The following LDOC1 variants were observed in gnomAD, a reference collection of about 807,000 sequenced individuals.
The protein encoded by LDOC1 is LDOC1 regulator of NFKB signaling.
LDOC1 carries 1 observed loss-of-function variant against 4.9 expected under a neutral mutation model. That is an observed-to-expected ratio of 0.20 (90% CI 0.07 to 0.96). The LOEUF is 0.96. LDOC1 is among the 40% of genes least tolerant of loss of function. The pLI, the probability that LDOC1 is intolerant of heterozygous loss-of-function variation, is 0.62. For synonymous variants in LDOC1, 55 were observed against 58.3 expected, an observed-to-expected ratio of 0.94 and a Z score of 0.26; for missense variants, 76 against 128.1, an observed-to-expected ratio of 0.59 and a Z score of 1.96.
In LDOC1 at chrX:141,175,681, T is replaced by G. The variant is rs782639870; in HGVS notation, c.*900A>C. On this transcript the variant is annotated 3_prime_UTR_variant, in exon 1 of 1. Transcript: ENST00000370526. ...TTGTATTCCCTGATTTCCACGGGAA[T>G]AATGGTAGTCAGAGTGACAGTGGTA... The G allele has an allele frequency of 1.8e-5, 2 of 112,195 alleles. No individual in the cohort carries two copies. The highest frequency in any genetic ancestry group is 7.4e-4 in the South Asian group (2 of 2,708). The allele number at this position is 112,195 out of a possible 1,213,427, so 9.2% of individuals were successfully genotyped here.
chrX:141,175,205 A>G lies in LDOC1; in HGVS notation c.*1376T>C, dbSNP rs781966986. ...ACGAAATGTTTGTTAAGATCAGGCT[A>G]TATCTTTATGGGTGCACTTGCCCAG... is the stretch of plus-strand genomic sequence containing the variant. On this transcript the variant is annotated 3_prime_UTR_variant, in exon 1 of 1. Coordinates refer to ENST00000370526, the MANE Select transcript of LDOC1 (RefSeq NM_012317.4). 8.9e-6 allele frequency among the ~76,000 whole-genome samples: 1 copy of G among 112,271 alleles called. No individual in the cohort carries two copies. Among genetic ancestry groups the G allele is most frequent in the Non-Finnish European group, 1.9e-5 (1 of 53,277 alleles).
At position 141,176,576 on chromosome X, in the gene LDOC1, A is replaced by C; in HGVS notation, c.*5T>G. 1.7e-6 allele frequency: 2 copies of C among 1,201,378 alleles called. No homozygotes were observed. Among genetic ancestry groups the C allele is most frequent in the Non-Finnish European group, 2.3e-6 (2 of 888,572 alleles). ...CCTCCCCCCCGAGGCCCGAGGGTCGAGGGCCTAATAATCATCCTCCTCTTC... is the reference window on the plus strand; with the variant it reads ...CCTCCCCCCCGAGGCCCGAGGGTCGCGGGCCTAATAATCATCCTCCTCTTC... On this transcript the variant is annotated 3_prime_UTR_variant, in exon 1 of 1. Transcript: ENST00000370526.
chrX:141,175,676 G>A lies in LDOC1; in HGVS notation c.*905C>T, dbSNP rs2013607688. On this transcript the variant is annotated 3_prime_UTR_variant, in exon 1 of 1. Coordinates refer to ENST00000370526, the MANE Select transcript of LDOC1 (RefSeq NM_012317.4). ...ATTGGTTGTATTCCCTGATTTCCAC[G>A]GGAATAATGGTAGTCAGAGTGACAG... 8.9e-6 allele frequency: 1 copy of A among 111,952 alleles called. No homozygotes were observed. The highest frequency in any genetic ancestry group is 3.3e-5 in the African/African-American group (1 of 30,726). The allele number at this position is 111,952 out of a possible 1,213,427, so 9.2% of individuals were successfully genotyped here.
chrX:141,173,625 A>G lies in LDOC1; in HGVS notation c.*2956T>C, dbSNP rs2013590842. The G allele has an allele frequency of 8.9e-6, 1 of 112,028 alleles. No homozygotes were observed. Among genetic ancestry groups the G allele is most frequent in the South Asian group, 3.7e-4 (1 of 2,677 alleles). The allele number at this position is 112,028 out of a possible 1,213,427, so 9.2% of individuals were successfully genotyped here. Reference sequence around the variant, plus strand: ...GTAAGAAGGACATCACTTAACACACACACACACAGAGCACACACATACTGG... The same window carrying G: ...GTAAGAAGGACATCACTTAACACACGCACACACAGAGCACACACATACTGG... On this transcript the variant is annotated 3_prime_UTR_variant, in exon 1 of 1. Coordinates refer to ENST00000370526, the MANE Select transcript of LDOC1 (RefSeq NM_012317.4).
rs2013594143 is a variant in LDOC1, at chrX:141,174,146, A to G, written c.*2435T>C. The stretch of plus-strand genomic sequence containing the variant: ...GTAATTATCTGGCCTCACACATATT[A>G]TGTCTCAAATATAATCTCTCTCTTC... On this transcript the variant is annotated 3_prime_UTR_variant, in exon 1 of 1. Coordinates refer to ENST00000370526, the MANE Select transcript of LDOC1 (RefSeq NM_012317.4). Among the ~76,000 whole-genome samples the G allele has an allele frequency of 9.0e-6, 1 of 111,571 alleles. No individual in the cohort carries two copies. The highest frequency in any genetic ancestry group is 1.9e-5 in the Non-Finnish European group (1 of 53,161).
rs1556282995 is a variant in LDOC1 at position 141,175,319 on chromosome X, C to G, written c.*1262G>C. Among the ~76,000 whole-genome samples the G allele has an allele frequency of 8.9e-6, 1 of 112,134 alleles. No individual in the cohort carries two copies. Among genetic ancestry groups the G allele is most frequent in the African/African-American group, 3.2e-5 (1 of 30,804 alleles). On this transcript the variant is annotated 3_prime_UTR_variant, in exon 1 of 1. Transcript: ENST00000370526. ...AGTGACAATCTACTATGTTGGCTCTCTGGAGTCTGAACTCAACAGCTGCAC... is the reference window on the plus strand; with the variant it reads ...AGTGACAATCTACTATGTTGGCTCTGTGGAGTCTGAACTCAACAGCTGCAC...
In LDOC1 at chrX:141,177,047, T is replaced by G. The variant is rs782043984; in HGVS notation, c.-26A>C. The G allele has an allele frequency of 9.4e-7, 1 of 1,069,056 alleles. No homozygotes were observed. Among genetic ancestry groups the G allele is most frequent in the South Asian group, 2.0e-5 (1 of 49,464 alleles). 88.1% of individuals were successfully genotyped at this position (1,069,056 alleles called of 1,213,427 possible). A position where few individuals can be genotyped will look rare whatever the true frequency, so the allele number is the denominator to read the frequency against. On this transcript the variant is annotated 5_prime_UTR_variant, in exon 1 of 1. Transcript: ENST00000370526. ...TGCGAACGGCCTGGAAGGACAGGAC[T>G]CGGCTCGGTTCGGCTCGGCCAAGGT...
chrX:141,176,608 G>A lies in LDOC1; in HGVS notation c.414C>T (p.Asp138=). 2 of 1,210,216 alleles carry A rather than the reference G, an allele frequency of 1.7e-6. No homozygotes were observed. Among genetic ancestry groups the A allele is most frequent in the Non-Finnish European group, 1.1e-6 (1 of 894,391 alleles). The part of the protein sequence containing the change: ...CFGWDDDEDD[D]DEEEEDDY ...AATAATCATCCTCCTCTTCTTCGTC[G>A]TCGTCGTCTTCGTCGTCATCCCAGC... Residue 138 remains aspartate, a synonymous_variant, in exon 1 of 1, where the codon GAC becomes GAT. Transcript: ENST00000370526.
chrX:141,176,287 C>T lies in LDOC1; in HGVS notation c.*294G>A, dbSNP rs2013613606. 1 of 375,227 alleles carries T rather than the reference C, an allele frequency of 2.7e-6. No homozygotes were observed. Among genetic ancestry groups the T allele is most frequent in the African/African-American group, 2.5e-5 (1 of 39,860 alleles). The allele number at this position is 375,227 out of a possible 1,213,427, so 30.9% of individuals were successfully genotyped here. On this transcript the variant is annotated 3_prime_UTR_variant, in exon 1 of 1. Coordinates refer to ENST00000370526, the MANE Select transcript of LDOC1 (RefSeq NM_012317.4). Reference sequence around the variant, plus strand: ...CCTGGCCAATAGCTGGGGTTCAGGACACAGTTCAGATTAGCAGGGGAGGGA... The same window carrying T: ...CCTGGCCAATAGCTGGGGTTCAGGATACAGTTCAGATTAGCAGGGGAGGGA...
chrX:141,177,071 G>A lies in LDOC1; in HGVS notation c.-50C>T. The A allele has an allele frequency of 3.6e-6, 4 of 1,109,854 alleles. No homozygotes were observed. The highest frequency in any genetic ancestry group is 4.8e-6 in the Non-Finnish European group (4 of 836,714). 91.5% of individuals were successfully genotyped at this position (1,109,854 alleles called of 1,213,427 possible). On this transcript the variant is annotated 5_prime_UTR_variant, in exon 1 of 1. Coordinates refer to ENST00000370526, the MANE Select transcript of LDOC1 (RefSeq NM_012317.4). ...CTCGGCTCGGTTCGGCTCGGCCAAGGTGCGCACGGAGCCCTCGCAGGAAGT... is the reference window on the plus strand; with the variant it reads ...CTCGGCTCGGTTCGGCTCGGCCAAGATGCGCACGGAGCCCTCGCAGGAAGT...
rs782138261 is a variant in LDOC1, at chrX:141,176,558, C to A, written c.*23G>T. On this transcript the variant is annotated 3_prime_UTR_variant, in exon 1 of 1. Transcript: ENST00000370526. ...GGTGGCGGCGTGCAGGGCCCTCCCC[C>A]CCGAGGCCCGAGGGTCGAGGGCCTA... is the stretch of plus-strand genomic sequence containing the variant. 3 of 1,182,022 alleles carry A rather than the reference C, an allele frequency of 2.5e-6. No individual in the cohort carries two copies. The highest frequency in any genetic ancestry group is 3.1e-5 in the East Asian group (1 of 32,188).
At position 141,176,225 on chromosome X, in the gene LDOC1, C is replaced by T. The variant is rs1310974659; in HGVS notation, c.*356G>A. On this transcript the variant is annotated 3_prime_UTR_variant, in exon 1 of 1. Coordinates refer to ENST00000370526, the MANE Select transcript of LDOC1 (RefSeq NM_012317.4). ...CTGGCAGCAGGGCAGGTGGCAGCAG[C>T]AGGGCTACGGGTGGTCTGCGCAGTT... 4 of 243,577 alleles carry T rather than the reference C, an allele frequency of 1.6e-5. No homozygotes were observed. In the East Asian group the frequency reaches 2.3e-4, roughly 14 times the overall value. The allele number at this position is 243,577 out of a possible 1,213,427, so 20.1% of individuals were successfully genotyped here.
At position 141,176,800 on chromosome X, in the gene LDOC1, G is replaced by A. The variant is rs1556283525; in HGVS notation, c.222C>T (p.Tyr74=). Residue 74 remains tyrosine, a synonymous_variant, in exon 1 of 1, where the codon TAC becomes TAT. Coordinates refer to ENST00000370526, the MANE Select transcript of LDOC1 (RefSeq NM_012317.4). ...LPEFIVQTAS[Y]MLVNENRFCN... ...AGAATCGGTTCTCGTTCACGAGCAT[G>A]TAAGACGCCGTCTGCACGATAAACT... The A allele has an allele frequency of 1.7e-6, 2 of 1,212,059 alleles. No homozygotes were observed. Among genetic ancestry groups the A allele is most frequent in the South Asian group, 3.5e-5 (2 of 56,993 alleles).
chrX:141,176,700 T>G lies in LDOC1; in HGVS notation c.322A>C (p.Ile108Leu), dbSNP rs2148479431. The G allele has an allele frequency of 1.7e-6, 2 of 1,210,799 alleles. No individual in the cohort carries two copies. The highest frequency in any genetic ancestry group is 1.7e-5 in the African/African-American group (1 of 57,501). ...CCTAGGATGGGGCTATCCATCTCGA[T>G]GTAGGGCACCACCCACTCCTCGGCT... Reference protein sequence around the residue: ...GEAEEWVVPYIEMDSPILGDY... With the variant: ...GEAEEWVVPYLEMDSPILGDY... Residue 108 changes from isoleucine to leucine, a missense_variant, in exon 1 of 1, where the codon ATC (isoleucine) becomes CTC (leucine). Ile to Leu is a conservative substitution (Grantham distance 5). Transcript: ENST00000370526.
In LDOC1 at chrX:141,176,618, T is replaced by C. The variant is rs2013619625; in HGVS notation, c.404A>G (p.Glu135Gly). 8.3e-7 allele frequency: 1 copy of C among 1,209,198 alleles called. No homozygotes were observed. Among genetic ancestry groups the C allele is most frequent in the African/African-American group, 1.8e-5 (1 of 57,075 alleles). The change falls in exon 1 of 1, where the codon GAA becomes GGA. Residue 135 changes from glutamate (E) to glycine (G), a missense_variant. By Grantham distance (98) the Glu-to-Gly change is moderately conservative. Transcript: ENST00000370526. The part of the protein sequence containing the change: ...MKQCFGWDDD[E>G]DDDDEEEEDD... ...CTCCTCTTCTTCGTCGTCGTCGTCTTCGTCGTCATCCCAGCCAAAGCACTG... is the reference window on the plus strand; with the variant it reads ...CTCCTCTTCTTCGTCGTCGTCGTCTCCGTCGTCATCCCAGCCAAAGCACTG...
At position 141,177,067 on chromosome X, in the gene LDOC1, C is replaced by T. The variant is rs1217463832; in HGVS notation, c.-46G>A. 4.3e-6 allele frequency: 5 copies of T among 1,158,452 alleles called. No individual in the cohort carries two copies. The highest frequency in any genetic ancestry group is 5.8e-6 in the Non-Finnish European group (5 of 867,697). ...AGGACTCGGCTCGGTTCGGCTCGGC[C>T]AAGGTGCGCACGGAGCCCTCGCAGG... is the stretch of plus-strand genomic sequence containing the variant. On this transcript the variant is annotated 5_prime_UTR_variant, in exon 1 of 1. Coordinates refer to ENST00000370526, the MANE Select transcript of LDOC1 (RefSeq NM_012317.4).
Position 141,175,301 on chromosome X carries a change from A to G in LDOC1, c.*1280T>C, listed in dbSNP as rs73590465. Reference sequence around the variant, plus strand: ...GGCTATTTGGAGTTTGAAAGTGACAATCTACTATGTTGGCTCTCTGGAGTC... The same window carrying G: ...GGCTATTTGGAGTTTGAAAGTGACAGTCTACTATGTTGGCTCTCTGGAGTC... On this transcript the variant is annotated 3_prime_UTR_variant, in exon 1 of 1. Transcript: ENST00000370526. Among the ~76,000 whole-genome samples the G allele has an allele frequency of 0.025, 2,769 of 111,949 alleles. 88 individuals are homozygous for G. The highest frequency in any genetic ancestry group is 0.085 in the African/African-American group (2,623 of 30,724).
chrX:141,176,906 C>G lies in LDOC1; in HGVS notation c.116G>C (p.Ser39Thr). ...CGGCGGACGTACCTGGCGCAGCAGGCTGGCCCTCTCGCACACCAGCAGCCG... is the reference window on the plus strand; with the variant it reads ...CGGCGGACGTACCTGGCGCAGCAGGGTGGCCCTCTCGCACACCAGCAGCCG... ...QLRLLVCERA[S>T]LLRQVRPPSC... Residue 39 changes from serine (S) to threonine (T), a missense_variant, in exon 1 of 1, where the codon AGC becomes ACC. By Grantham distance (58) the Ser-to-Thr change is moderately conservative. Coordinates refer to ENST00000370526, the MANE Select transcript of LDOC1 (RefSeq NM_012317.4). 8.3e-7 allele frequency: 1 copy of G among 1,211,690 alleles called. No individual in the cohort carries two copies. The highest frequency in any genetic ancestry group is 1.1e-6 in the Non-Finnish European group (1 of 895,504).
Position 141,173,630 on chromosome X carries a change from C to T in LDOC1, c.*2951G>A, listed in dbSNP as rs782520635. On this transcript the variant is annotated 3_prime_UTR_variant, in exon 1 of 1. Coordinates refer to ENST00000370526, the MANE Select transcript of LDOC1 (RefSeq NM_012317.4). ...AAGGACATCACTTAACACACACACA[C>T]ACAGAGCACACACATACTGGGTCAC... 4 of 112,009 alleles carry T rather than the reference C, an allele frequency of 3.6e-5. No individual in the cohort carries two copies. Among genetic ancestry groups the T allele is most frequent in the Non-Finnish European group, 7.5e-5 (4 of 53,290 alleles). 9.2% of individuals were successfully genotyped at this position (112,009 alleles called of 1,213,427 possible).
Sources: allele counts gnomAD v4.1 joint callset (sites outside exome capture counted in the v4.1 genomes callset), GRCh38; gene constraint gnomAD v4.1.1; transcripts MANE v1.5; gene names NCBI Gene and HGNC (gene_info 2026-07-23, HGNC 2026-07-21).